FRYL: variants seen among roughly 807,000 people sequenced by gnomAD.
FRYL encodes protein furry homolog-like.
A neutral mutation model predicts 351.2 loss-of-function variants in FRYL; 150 were observed. The observed-to-expected ratio is 0.43, with a 90% CI of 0.37 to 0.49. The LOEUF is 0.49. Ranked by LOEUF, FRYL falls within the 20% of genes least tolerant of loss-of-function variation. FRYL has a pLI of 0.00. For synonymous variants in FRYL, 1,153 were observed against 1,257.1 expected (o/e 0.92, Z 1.75); for missense variants, 3,036 against 3,619.3 (o/e 0.84, Z 4.13).
intron 18 of FRYL, among the ~76,000 whole-genome samples, chr4:48,588,823 T>C (rs896746532): frequency 1.3e-5 from 2 of 152,058 alleles, no homozygotes; most frequent in Non-Finnish European, 2.9e-5. Context: ...GCTCTCTATC[T>C]CAAAGATCCT....
rs553395626 is a variant in FRYL, at chr4:48,515,428, C to T, written c.7690-153G>A. Among the ~76,000 whole-genome samples, 16 of 152,266 alleles carry T rather than the reference C, an allele frequency of 1.1e-4. No homozygotes were observed. The East Asian group carries it at 2.7e-3, about 26-fold the overall frequency. On this transcript the variant is annotated intron_variant, in intron 55 of 63. Coordinates refer to ENST00000358350, the MANE Select transcript of FRYL (RefSeq NM_015030.2). ...CCCAGGCTGGAGTGGAGTGCAATGG[C>T]GTGATCTTGGCTCACTGCAATCTCC...
chr4:48,512,703 A>G lies in FRYL; in HGVS notation c.7938-15T>C, dbSNP rs769469589. 2 of 1,553,802 alleles carry G rather than the reference A, an allele frequency of 1.3e-6. No individual in the cohort carries two copies. The highest frequency in any genetic ancestry group is 2.2e-5 in the South Asian group (2 of 89,818). ...CTTCATCTTGACTATTAACACAGAT[A>G]TCATAAATATCATAACACTATCTCA... On this transcript the variant is annotated splice_polypyrimidine_tract_variant and intron_variant, in intron 56 of 63. Coordinates refer to ENST00000358350, the MANE Select transcript of FRYL (RefSeq NM_015030.2).
At chr4:48,579,956 T>C (rs1389138299) in intron 22 of FRYL, among the ~76,000 whole-genome samples, 1 of 152,106 alleles carries the variant, frequency 6.6e-6, no homozygotes, top group Non-Finnish European at 1.5e-5. Context: ...TATAGACATG[T>C]ATGGAAACAT....
intron 48 of FRYL, among the ~76,000 whole-genome samples, chr4:48,535,071 T>C (rs149340438): frequency 9.8e-5 from 15 of 152,308 alleles, no homozygotes; most frequent in African/African-American, 3.6e-4. Flanking sequence ...ATCAAATAGA[T>C]ATTAACTTTT....
chr4:48,652,958 G>A lies in FRYL; in HGVS notation c.-80-18468C>T, dbSNP rs144080476. Among the ~76,000 whole-genome samples the A allele has an allele frequency of 3.9e-4, 59 of 152,186 alleles. No individual in the cohort carries two copies. The East Asian group carries it at 0.011, about 28-fold the overall frequency. ...CAAAACAAACATGATAATAGAACCT[G>A]TGTTTACTTAATTCATGAGTTTGAT... On this transcript the variant is annotated intron_variant, in intron 3 of 63. Transcript: ENST00000358350.
At chr4:48,558,234 TAAAA>T (rs1308386788) in intron 33 of FRYL, among the ~76,000 whole-genome samples, 2 of 152,122 alleles carry the variant, frequency 1.3e-5, no homozygotes, top group East Asian at 3.8e-4. Context: ...TATGCACCCT[TAAAA>T]AAGGGAAAAC....
At chr4:48,688,213 G>A (rs1290655271) in intron 2 of FRYL, among the ~76,000 whole-genome samples, 1 of 152,064 alleles carries the variant, frequency 6.6e-6, no homozygotes, top group African/African-American at 2.4e-5. Flanking sequence ...ATTAATTCTG[G>A]GAATCTTGCA....
intron 3 of FRYL, among the ~76,000 whole-genome samples, chr4:48,662,253 C>A (rs926059701): frequency 2.6e-5 from 4 of 152,048 alleles, no homozygotes; most frequent in African/African-American, 9.7e-5. Flanking sequence ...CCAGCCTGGG[C>A]AACATAGTGA....
chr4:48,697,179 T>C (rs561643586), intron 2 of FRYL, among the ~76,000 whole-genome samples: 1 of 152,206 alleles, frequency 6.6e-6, no homozygotes, highest in Admixed American at 6.5e-5. Context: ...TAAAATACCA[T>C]ATGATACAGT....
rs776159373 is a variant in FRYL, at chr4:48,543,996, T to C, written c.5403A>G (p.Glu1801=). The C allele has an allele frequency of 9.3e-6, 15 of 1,613,098 alleles. No individual in the cohort carries two copies. The highest frequency in any genetic ancestry group is 1.3e-5 in the Non-Finnish European group (15 of 1,179,376). The change falls in exon 44 of 64, where the codon GAA becomes GAG. Residue 1801 remains glutamate (E), a splice_region_variant and synonymous_variant. Coordinates refer to ENST00000358350, the MANE Select transcript of FRYL (RefSeq NM_015030.2). The part of the protein sequence containing the change: ...VVSVFKQSSS[E]GIHLEHHLSE... ...TAAGATGATGTTCCAGATGAATTCC[T>C]TCTGTGAATGCAAAGGAAACGAGTA...
At chr4:48,742,053 T>C (rs1443058744) in intron 1 of FRYL, among the ~76,000 whole-genome samples, 1 of 152,204 alleles carries the variant, frequency 6.6e-6, no homozygotes, top group Non-Finnish European at 1.5e-5. Flanking sequence ...GCTTCATTAA[T>C]TGTAGCAAAT....
intron 1 of FRYL, among the ~76,000 whole-genome samples, chr4:48,719,049 C>T (rs1266265873): frequency 6.6e-6 from 1 of 151,616 alleles, no homozygotes; most frequent in Non-Finnish European, 1.5e-5. Context: ...GGCCTCCCCT[C>T]TCTCACTACT....
chr4:48,634,171 C>T (rs1753790051), intron 4 of FRYL, 120 bp downstream of exon 4: 4 of 745,982 alleles, frequency 5.4e-6, no homozygotes, highest in Non-Finnish European at 9.0e-6. Flanking sequence ...CAGCTTTCTA[C>T]ATCACCACTA....
intron 59 of FRYL, among the ~76,000 whole-genome samples, chr4:48,509,276 G>A (rs1039833103): frequency 3.3e-5 from 5 of 152,050 alleles, no homozygotes; most frequent in Non-Finnish European, 7.4e-5. Flanking sequence ...AAACCCAATC[G>A]ATTTACAAAA....
At chr4:48,690,725 C>T (rs1222611991) in intron 2 of FRYL, among the ~76,000 whole-genome samples, 1 of 152,008 alleles carries the variant, frequency 6.6e-6, no homozygotes, top group African/African-American at 2.4e-5. Context: ...ATGTGTTAAC[C>T]TTTTATATGT....
intron 1 of FRYL, among the ~76,000 whole-genome samples, chr4:48,730,666 C>A (rs1004759066): frequency 1.3e-5 from 2 of 152,198 alleles, no homozygotes; most frequent in African/African-American, 4.8e-5. Flanking sequence ...AAATCCTTTA[C>A]AGACAAGCAA....
At chr4:48,581,388 A>G in intron 21 of FRYL, 32 bp downstream of exon 21, 3 of 1,567,500 alleles carry the variant, frequency 1.9e-6, no homozygotes, top group Non-Finnish European at 2.6e-6. Context: ...AGTACTTTCA[A>G]TAGATAACTG....
chr4:48,619,819 C>T (rs1750290480), intron 6 of FRYL, among the ~76,000 whole-genome samples: 1 of 152,156 alleles, frequency 6.6e-6, no homozygotes, highest in Non-Finnish European at 1.5e-5. Context: ...AATAATCCAA[C>T]ATATGCAAAA....
chr4:48,742,208 AT>A (rs1005234758), intron 1 of FRYL, among the ~76,000 whole-genome samples: 1 of 152,072 alleles, frequency 6.6e-6, no homozygotes, highest in Admixed American at 6.6e-5. Context: ...ATGAGAAAGA[AT>A]TTTTTTTACT....
Sources: gnomAD v4.1 joint callset for allele counts (sites outside exome capture counted in the v4.1 genomes callset) on GRCh38, gnomAD v4.1.1 for gene constraint, MANE v1.5 for transcripts, NCBI Gene and HGNC (gene_info 2026-07-23, HGNC 2026-07-21) for gene names.